ATP9A: variants seen among roughly 807,000 people sequenced by gnomAD.
ATP9A encodes ATPase phospholipid transporting 9A.
Under a neutral mutation model 144.1 loss-of-function variants are expected in ATP9A, and 52 were observed. The ratio of observed to expected loss-of-function variants is 0.36; its 90% confidence interval spans 0.29 to 0.45. ATP9A has a LOEUF of 0.45. Among genes scored for constraint, ATP9A ranks in the 20% least tolerant of loss-of-function variants. The pLI is 1.00. For missense variants in ATP9A, 947 were observed against 1,392.7 expected, an observed-to-expected ratio of 0.68 and a Z score of 5.09; for synonymous variants, 582 against 557.4, an observed-to-expected ratio of 1.04 and a Z score of -0.62.
At chr20:51,677,245 C>T (rs1240057461) in intron 9 of ATP9A, among the ~76,000 whole-genome samples, 4 of 152,018 alleles carry the variant, frequency 2.6e-5, no homozygotes, top group African/African-American at 9.7e-5. Context: ...AACAGCCACA[C>T]TATGAGAACA....
chr20:51,651,308 TA>T (rs1414989780), intron 14 of ATP9A, among the ~76,000 whole-genome samples: 1 of 126,384 alleles, frequency 7.9e-6, no homozygotes, highest in Admixed American at 8.1e-5. Flanking sequence ...TATATTTACA[TA>T]ATATATTATA....
chr20:51,753,973 G>A (rs1041808887), intron 1 of ATP9A, among the ~76,000 whole-genome samples: 4 of 151,702 alleles, frequency 2.6e-5, no homozygotes, highest in African/African-American at 9.7e-5. Context: ...TGCCCGGCCT[G>A]TTCTCTCATT....
chr20:51,640,558 T>G (rs150102805), intron 14 of ATP9A, among the ~76,000 whole-genome samples: 60 of 152,308 alleles, frequency 3.9e-4, no homozygotes, highest in African/African-American at 1.3e-3. Context: ...GTGGCAAAGC[T>G]AGGCCAGACT....
At chr20:51,758,556 T>G (rs2077865793) in intron 1 of ATP9A, among the ~76,000 whole-genome samples, 1 of 152,256 alleles carries the variant, frequency 6.6e-6, no homozygotes, top group African/African-American at 2.4e-5. Context: ...GAGGTCAAGG[T>G]CAAAGGGTGC....
At position 51,604,694 on chromosome 20, in the gene ATP9A, G is replaced by C. The variant is rs1044006672; in HGVS notation, c.3007+123C>G. 9 of 834,532 alleles carry C rather than the reference G, an allele frequency of 1.1e-5. No homozygotes were observed. The East Asian group carries it at 2.9e-4, about 27-fold the overall frequency. 51.7% of individuals were successfully genotyped at this position (834,532 alleles called of 1,614,324 possible). ...GAAAACGTGGACAGCTGAGCGGGAA[G>C]GACTGCTGGAGGAAGAGCCCAGGCC... On this transcript the variant is annotated intron_variant, in intron 27 of 27. Coordinates refer to ENST00000338821, the MANE Select transcript of ATP9A (RefSeq NM_006045.3).
intron 14 of ATP9A, among the ~76,000 whole-genome samples, chr20:51,651,854 G>A (rs184306040): frequency 2.4e-4 from 36 of 152,220 alleles, no homozygotes; most frequent in African/African-American, 7.2e-4. Context: ...GTTTGAACCC[G>A]GGAGGCGGAG....
At position 51,619,055 on chromosome 20, in the gene ATP9A, C is replaced by G. The variant is rs761444292; in HGVS notation, c.2116-12G>C. The G allele has an allele frequency of 1.9e-6, 3 of 1,608,504 alleles. No individual in the cohort carries two copies. In the South Asian group the frequency reaches 3.3e-5, roughly 18 times the overall value. On this transcript the variant is annotated splice_polypyrimidine_tract_variant and intron_variant, in intron 19 of 27. Transcript: ENST00000338821. The stretch of plus-strand genomic sequence containing the variant: ...CCGCGGTTGGTCACCTGGAAGGGAA[C>G]AGAGATGGGGAAGGAGGCATTGCTC...
chr20:51,736,857 A>AG (rs1022012164), intron 1 of ATP9A, among the ~76,000 whole-genome samples: 6 of 152,054 alleles, frequency 3.9e-5, no homozygotes, highest in African/African-American at 9.6e-5. Context: ...GTCCAGACTA[A>AG]GGGGGGTGGC....
intron 14 of ATP9A, among the ~76,000 whole-genome samples, chr20:51,646,917 A>T (rs1431247105): frequency 6.6e-6 from 1 of 152,104 alleles, no homozygotes; most frequent in Non-Finnish European, 1.5e-5. Flanking sequence ...TGGAGCCTCA[A>T]GACCAGCCTG....
chr20:51,698,964 C>A (rs2077581868), intron 4 of ATP9A, among the ~76,000 whole-genome samples: 2 of 152,290 alleles, frequency 1.3e-5, no homozygotes, highest in South Asian at 4.1e-4. Context: ...CATACAGGAG[C>A]AACACCACAA....
intron 13 of ATP9A, among the ~76,000 whole-genome samples, chr20:51,660,100 T>C (rs1017728384): frequency 6.6e-6 from 1 of 152,216 alleles, no homozygotes; most frequent in Non-Finnish European, 1.5e-5. Context: ...AATTCTATAA[T>C]TTAGGTTCTA....
intron 1 of ATP9A, among the ~76,000 whole-genome samples, chr20:51,752,989 C>T (rs1354624943): frequency 6.6e-6 from 1 of 152,004 alleles, no homozygotes; most frequent in African/African-American, 2.4e-5. Context: ...GTAATCCCAG[C>T]TACTTGGGAG....
rs925055482 is a variant in ATP9A at position 51,611,765 on chromosome 20, T to A, written c.2572-1600A>T. Among the ~76,000 whole-genome samples the A allele has an allele frequency of 6.6e-6, 1 of 152,222 alleles. No homozygotes were observed. The highest frequency in any genetic ancestry group is 2.4e-5 in the African/African-American group (1 of 41,456). On this transcript the variant is annotated intron_variant, in intron 23 of 27. Coordinates refer to ENST00000338821, the MANE Select transcript of ATP9A (RefSeq NM_006045.3). This position sits in a 1 kb window ranked among gnomAD's most constrained non-coding sequence, Gnocchi z 4.2. Reference sequence around the variant, plus strand: ...AAAGCCACAGCATTATCCTGTTCAATTGGTGAGTTAACATAAAAGTACAGA... The same window carrying A: ...AAAGCCACAGCATTATCCTGTTCAAATGGTGAGTTAACATAAAAGTACAGA...
intron 15 of ATP9A, among the ~76,000 whole-genome samples, chr20:51,635,859 G>A (rs1199112013): frequency 3.0e-5 from 3 of 100,376 alleles, no homozygotes; most frequent in Non-Finnish European, 6.6e-5. Flanking sequence ...GAAGGAAGGA[G>A]GAAGGGAGGG....
At chr20:51,646,768 A>G (rs1318157560) in intron 14 of ATP9A, among the ~76,000 whole-genome samples, 2 of 151,950 alleles carry the variant, frequency 1.3e-5, no homozygotes, top group African/African-American at 4.8e-5. Flanking sequence ...TTAACATAGC[A>G]TGAAACAAAC....
intron 24 of ATP9A, 135 bp downstream of exon 24, chr20:51,609,959 TGGTGCTG>T (rs2077178714): frequency 2.9e-6 from 2 of 685,592 alleles, no homozygotes; most frequent in Non-Finnish European, 5.1e-6. Flanking sequence ...TTCTAAACCA[TGGTGCTG>T]GGCCTGCATT....
chr20:51,629,425 A>G (rs2077262140), intron 15 of ATP9A, among the ~76,000 whole-genome samples: 1 of 152,188 alleles, frequency 6.6e-6, no homozygotes, highest in Non-Finnish European at 1.5e-5. Flanking sequence ...CCACTGAAAG[A>G]ATAGGGAAGA....
At position 51,623,465 on chromosome 20, in the gene ATP9A, C is replaced by CGAT. The variant is rs2077234731; in HGVS notation, c.2017-1294_2017-1293insATC. ...CTCACTTAGCCTCAGTTTCTACATC[C>CGAT]ATACAAGGGGCTGATTTAGAAAATA... On this transcript the variant is annotated intron_variant, in intron 18 of 27. Transcript: ENST00000338821. 7.9e-5 allele frequency among the ~76,000 whole-genome samples: 12 copies of CGAT among 152,228 alleles called. No individual in the cohort carries two copies. In the South Asian group the frequency reaches 2.5e-3, roughly 32 times the overall value.
chr20:51,759,336 G>A (rs1325932881), intron 1 of ATP9A, among the ~76,000 whole-genome samples: 1 of 152,182 alleles, frequency 6.6e-6, no homozygotes, highest in Admixed American at 6.5e-5. Flanking sequence ...TATATGCTTG[G>A]TATCTAATAC....
Sources: gnomAD v4.1 joint callset for allele counts (sites outside exome capture counted in the v4.1 genomes callset) on GRCh38, gnomAD v4.1.1 for gene constraint, Gnocchi (gnomAD v3.1) non-coding constraint, MANE v1.5 for transcripts, NCBI Gene and HGNC (gene_info 2026-07-23, HGNC 2026-07-21) for gene names.